Variants in DIAPH2 observed in about 807,000 individuals in gnomAD.
DIAPH2 encodes diaphanous related formin 2, also known as protein diaphanous homolog 2.
In DIAPH2, 35 loss-of-function variants were observed where a neutral mutation model predicts 92.7. The observed-to-expected ratio is 0.38, with a 90% CI of 0.29 to 0.50. The LOEUF is 0.50. Among genes scored for constraint, DIAPH2 ranks in the 20% least tolerant of loss-of-function variants. The pLI, the probability that DIAPH2 is intolerant of heterozygous loss-of-function variation, is 0.94. For missense variants in DIAPH2, 701 were observed against 819.5 expected (o/e 0.86, Z 1.77); for synonymous variants, 301 against 280.4 (o/e 1.07, Z -0.73).
chrX:97,171,831 T>C (rs1326783483), intron 22 of DIAPH2, among the ~76,000 whole-genome samples: 1 of 109,681 alleles, frequency 9.1e-6, no homozygotes, highest in Non-Finnish European at 1.9e-5. Flanking sequence ...TCCCAGCTAC[T>C]CGGGAGGCTG....
At chrX:97,284,187 C>A (rs771701471) in intron 23 of DIAPH2, among the ~76,000 whole-genome samples, 25 of 111,840 alleles carry the variant, frequency 2.2e-4, no homozygotes, top group African/African-American at 8.1e-4. Flanking sequence ...ATAACCAATG[C>A]AGCTATCCTA....
rs754221695 is a variant in DIAPH2 at position 96,958,771 on chromosome X, A to T, written c.1935+623A>T. On this transcript the variant is annotated intron_variant, in intron 16 of 26. Transcript: ENST00000324765. Reference sequence around the variant, plus strand: ...CCCAGTCTCTGGTAACTATCATTCTATTCTCTACCTTCATGATACTCACTT... The same window carrying T: ...CCCAGTCTCTGGTAACTATCATTCTTTTCTCTACCTTCATGATACTCACTT... Among the ~76,000 whole-genome samples, 4 of 111,381 alleles carry T rather than the reference A, an allele frequency of 3.6e-5. No individual in the cohort carries two copies. The South Asian group carries it at 1.5e-3, about 43-fold the overall frequency.
At chrX:97,147,423 A>G (rs189721692) in intron 22 of DIAPH2, among the ~76,000 whole-genome samples, 68 of 110,314 alleles carry the variant, frequency 6.2e-4, no homozygotes, top group African/African-American at 2.1e-3. Context: ...TATCTAATAG[A>G]TATATATTGT....
At chrX:97,372,393 A>G (rs2069456151) in intron 24 of DIAPH2, among the ~76,000 whole-genome samples, 1 of 112,522 alleles carries the variant, frequency 8.9e-6, no homozygotes, top group Non-Finnish European at 1.9e-5. Context: ...TTGTCTGTCA[A>G]ACCTACAGAT....
At chrX:96,834,921 C>G (rs1452168104) in intron 4 of DIAPH2, among the ~76,000 whole-genome samples, 2 of 111,765 alleles carry the variant, frequency 1.8e-5, no homozygotes, top group Non-Finnish European at 3.8e-5. Context: ...GCTCAACTTT[C>G]ATTGCATACT....
intron 7 of DIAPH2, 70 bp from the exon 8 acceptor site, chrX:96,916,368 C>T (rs997557675): frequency 1.0e-6 from 1 of 961,226 alleles, no homozygotes. Context: ...GATCATTGTA[C>T]GTTGCTTTTT....
At chrX:97,144,693 C>T (rs1361873181) in intron 22 of DIAPH2, among the ~76,000 whole-genome samples, 2 of 111,126 alleles carry the variant, frequency 1.8e-5, no homozygotes, top group Non-Finnish European at 3.8e-5. Context: ...TTAGCCACTA[C>T]TGCTACTGAC....
chrX:97,052,215 G>T (rs1389084452), intron 17 of DIAPH2, among the ~76,000 whole-genome samples: 2 of 111,246 alleles, frequency 1.8e-5, no homozygotes, highest in African/African-American at 6.5e-5. Flanking sequence ...TGGAAGCAGA[G>T]GTAATTGAGC....
intron 26 of DIAPH2, among the ~76,000 whole-genome samples, chrX:97,518,708 G>A (rs1371869178): frequency 1.8e-5 from 2 of 110,800 alleles, no homozygotes; most frequent in Non-Finnish European, 3.8e-5. Flanking sequence ...TTTAGTCCTT[G>A]AATGAGCAGG....
At chrX:97,561,976 C>T (rs148028134) in intron 26 of DIAPH2, among the ~76,000 whole-genome samples, 50 of 112,046 alleles carry the variant, frequency 4.5e-4, no homozygotes, top group East Asian at 2.8e-3. Flanking sequence ...ACAGAGCCAA[C>T]GGTAGAATAT....
chrX:97,105,634 A>T (rs478172), intron 20 of DIAPH2, among the ~76,000 whole-genome samples: 3,965 of 112,118 alleles, frequency 0.035, 179 homozygotes, highest in African/African-American at 0.12. Flanking sequence ...ACCTCAGAGC[A>T]ATGGAAGTTC....
intron 22 of DIAPH2, among the ~76,000 whole-genome samples, chrX:97,176,199 TTAGGAATGGCCATCAA>T (rs2067490187): frequency 8.9e-6 from 1 of 112,287 alleles, no homozygotes; most frequent in African/African-American, 3.2e-5. Context: ...AACATTGTTC[TTAGGAATGGCCATCAA>T]ATAAATGCCT....
chrX:97,237,904 G>C (rs1398438310), intron 22 of DIAPH2, among the ~76,000 whole-genome samples: 3 of 112,410 alleles, frequency 2.7e-5, no homozygotes, highest in African/African-American at 9.7e-5. Flanking sequence ...TTTTCTTGAC[G>C]AGAACAAACC....
At chrX:97,235,742 A>G (rs2068043688) in intron 22 of DIAPH2, among the ~76,000 whole-genome samples, 1 of 110,375 alleles carries the variant, frequency 9.1e-6, no homozygotes, top group African/African-American at 3.3e-5. Context: ...CTCAAACTTC[A>G]TCTCAAATTT....
intron 17 of DIAPH2, among the ~76,000 whole-genome samples, chrX:97,050,312 T>C (rs1054377305): frequency 1.8e-5 from 2 of 110,837 alleles, no homozygotes; most frequent in Non-Finnish European, 3.8e-5. Flanking sequence ...TGGGTAGTTT[T>C]TTTAAATAAG....
chrX:97,519,833 C>G (rs2070978356), intron 26 of DIAPH2, among the ~76,000 whole-genome samples: 1 of 111,019 alleles, frequency 9.0e-6, no homozygotes, highest in East Asian at 2.8e-4. Flanking sequence ...TCAAGCGATT[C>G]TCCTGCCTCA....
intron 4 of DIAPH2, among the ~76,000 whole-genome samples, chrX:96,835,906 C>T (rs1040002939): frequency 3.6e-5 from 4 of 110,047 alleles, no homozygotes; most frequent in African/African-American, 9.9e-5. Context: ...CTCAACTTCC[C>T]GGACTCAGGT....
At chrX:97,051,436 C>G (rs1321812907) in intron 17 of DIAPH2, among the ~76,000 whole-genome samples, 1 of 108,513 alleles carries the variant, frequency 9.2e-6, no homozygotes, top group Non-Finnish European at 1.9e-5. Context: ...ATGCAGATAT[C>G]TATTCTCTGG....
chrX:96,999,938 G>GT (rs1205282937), intron 17 of DIAPH2, among the ~76,000 whole-genome samples: 1 of 111,621 alleles, frequency 9.0e-6, no homozygotes, highest in African/African-American at 3.3e-5. Flanking sequence ...GCTTGCTGCC[G>GT]TGTAAGACAT....
Sources: allele counts gnomAD v4.1 joint callset (sites outside exome capture counted in the v4.1 genomes callset), GRCh38; gene constraint gnomAD v4.1.1; transcripts MANE v1.5; gene names NCBI Gene and HGNC (gene_info 2026-07-23, HGNC 2026-07-21).